Variants in RGPD1 observed in about 807,000 individuals in gnomAD.
The protein encoded by RGPD1 is RANBP2-like and GRIP domain-containing protein 1.
A neutral mutation model predicts 40.6 loss-of-function variants in RGPD1; 7 were observed. The ratio of observed to expected loss-of-function variants is 0.17; its 90% CI spans 0.10 to 0.32. RGPD1 has a LOEUF of 0.32. RGPD1 is among the 10% of genes least tolerant of loss of function. The probability of loss-of-function intolerance (pLI) is 1.00; values close to 1 mark genes in which losing one functional copy is unlikely to be tolerated. For synonymous variants in RGPD1, 24 were observed against 167.0 expected (o/e 0.14, Z 6.60); for missense variants, 50 against 472.5 (o/e 0.11, Z 8.29).
intron 1 of RGPD1, among the ~76,000 whole-genome samples, chr2:86,931,951 TATTC>T (rs1242518009): frequency 6.7e-6 from 1 of 148,470 alleles, no homozygotes; most frequent in African/African-American, 2.4e-5. Flanking sequence ...TTATGTATTA[TATTC>T]ATTATATATA....
At chr2:87,006,688 G>A (rs1330327248) in intron 22 of RGPD1, among the ~76,000 whole-genome samples, 69 of 144,496 alleles carry the variant, frequency 4.8e-4, no homozygotes, top group Non-Finnish European at 5.7e-4. Flanking sequence ...GCGAACCCGG[G>A]AGGCGGAGCT....
chr2:86,947,595 T>C (rs1680401422), intron 1 of RGPD1, among the ~76,000 whole-genome samples: 1 of 118,112 alleles, frequency 8.5e-6, no homozygotes, highest in South Asian at 3.1e-4. Flanking sequence ...TCTTGTATTA[T>C]TTCTTTGACC....
At chr2:86,927,004 ATCT>A (rs1298499080) in intron 1 of RGPD1, among the ~76,000 whole-genome samples, 2 of 152,162 alleles carry the variant, frequency 1.3e-5, no homozygotes, top group African/African-American at 2.4e-5. Context: ...ACTGTTCCTG[ATCT>A]TCTAACTTGG....
chr2:86,941,982 G>T (rs535739125), upstream of RGPD1, among the ~76,000 whole-genome samples: 62 of 152,080 alleles, frequency 4.1e-4, 1 homozygote, highest in South Asian at 0.012. Flanking sequence ...AAAGTGTTGG[G>T]ATTACAGGCG....
At chr2:86,915,395 T>A (rs1170631552) in intron 1 of RGPD1, among the ~76,000 whole-genome samples, 1 of 146,440 alleles carries the variant, frequency 6.8e-6, no homozygotes, top group Non-Finnish European at 1.5e-5. Context: ...CTATAGAGAT[T>A]CCTTGCCTTC....
intron 1 of RGPD1, among the ~76,000 whole-genome samples, chr2:86,931,338 C>G (rs957869698): frequency 6.6e-6 from 1 of 151,298 alleles, no homozygotes; most frequent in Non-Finnish European, 1.5e-5. Flanking sequence ...AAATTTAGTC[C>G]TATCTTTTAC....
chr2:86,939,358 C>G (rs1401831695), upstream of RGPD1, among the ~76,000 whole-genome samples: 2 of 149,190 alleles, frequency 1.3e-5, 1 homozygote, highest in Non-Finnish European at 3.0e-5. Context: ...GAAGATGGAT[C>G]ACTGGAGGCC....
At chr2:86,944,048 G>A (rs1305297327) in intron 1 of RGPD1, among the ~76,000 whole-genome samples, 1 of 152,012 alleles carries the variant, frequency 6.6e-6, no homozygotes, top group Non-Finnish European at 1.5e-5. Flanking sequence ...GAAACTCAAC[G>A]GATGACCATG....
chr2:86,927,678 TA>T (rs1296701993), intron 1 of RGPD1, among the ~76,000 whole-genome samples: 1 of 89,366 alleles, frequency 1.1e-5, no homozygotes, highest in African/African-American at 8.2e-5. Flanking sequence ...GGAGGATGAA[TA>T]AAACTTTGGC....
intron 1 of RGPD1, among the ~76,000 whole-genome samples, chr2:86,928,386 C>T (rs566874813): frequency 6.6e-6 from 1 of 152,214 alleles, no homozygotes; most frequent in Non-Finnish European, 1.5e-5. Context: ...TGTATAGGGC[C>T]TTGTGAGCCA....
chr2:86,942,308 G>T lies in RGPD1; in HGVS notation c.72G>T (p.Lys24Asn). The T allele has an allele frequency of 6.3e-7, 1 of 1,579,600 alleles. No homozygotes were observed. The change falls in exon 1 of 23, where the codon AAG becomes AAT. Residue 24 changes from lysine to asparagine, a missense_variant and splice_region_variant. Transcript: ENST00000641458. ...AGGGCTCCGCCCCGTCGCCTGGAAA[G>T]GTGAGTGGATCTCGAAGAGACCGAC... ...SVQGSAPSPG[K>N]KLRGFYFAKL...
At chr2:86,924,687 G>A (rs1678336998) in intron 1 of RGPD1, among the ~76,000 whole-genome samples, 1 of 151,590 alleles carries the variant, frequency 6.6e-6, no homozygotes, top group Admixed American at 6.6e-5. Flanking sequence ...GCCCAGGCTG[G>A]TCTCAAACTC....
intron 1 of RGPD1, among the ~76,000 whole-genome samples, chr2:86,944,233 G>T (rs1218782649): frequency 6.6e-6 from 1 of 152,072 alleles, no homozygotes; most frequent in Non-Finnish European, 1.5e-5. Context: ...TTTCTCTTGG[G>T]AACAGTGGAG....
intron 1 of RGPD1, among the ~76,000 whole-genome samples, chr2:86,915,071 G>A (rs1163829100): frequency 6.7e-6 from 1 of 150,232 alleles, no homozygotes; most frequent in Admixed American, 6.7e-5. Flanking sequence ...TGAGGCAGGT[G>A]GATCGCTTGA....
At chr2:86,942,463 G>T (rs1450311173) in intron 1 of RGPD1, among the ~76,000 whole-genome samples, 155 bp downstream of exon 1, 3 of 136,864 alleles carry the variant, frequency 2.2e-5, no homozygotes, top group African/African-American at 7.6e-5. Context: ...CTCTGTTGAG[G>T]CGCCGGCCTC....
chr2:86,914,473 G>GGCGGCGGCGGCC (rs1677656334), intron 1 of RGPD1, among the ~76,000 whole-genome samples: 1 of 11,682 alleles, frequency 8.6e-5, no homozygotes, highest in Admixed American at 6.2e-4. Context: ...CGGCGGCGGC[G>GGCGGCGGCGGCC]GCCTCGGCCT....
At chr2:86,920,260 G>C (rs538024470) in intron 1 of RGPD1, among the ~76,000 whole-genome samples, 14 of 151,654 alleles carry the variant, frequency 9.2e-5, no homozygotes, top group African/African-American at 3.4e-4. Context: ...AGTAGAGACG[G>C]GGTTTTGCCA....
intron 1 of RGPD1, among the ~76,000 whole-genome samples, chr2:86,943,518 A>G (rs1680084490): frequency 6.6e-6 from 1 of 152,098 alleles, no homozygotes; most frequent in Non-Finnish European, 1.5e-5. Flanking sequence ...CAGAATCTTG[A>G]GTCAGTTTGC....
intron 1 of RGPD1, among the ~76,000 whole-genome samples, chr2:86,915,303 G>T (rs1164690955): frequency 1.3e-5 from 2 of 150,900 alleles, no homozygotes; most frequent in South Asian, 4.2e-4. Context: ...GTTAGGGTTA[G>T]GCAAGACATT....
Sources: allele counts gnomAD v4.1 joint callset (sites outside exome capture counted in the v4.1 genomes callset), GRCh38; gene constraint gnomAD v4.1.1; transcripts MANE v1.5; gene names NCBI Gene and HGNC (gene_info 2026-07-23, HGNC 2026-07-21).